CNOT1: variants seen among roughly 807,000 people sequenced by gnomAD.
CNOT1 encodes CCR4-NOT transcription complex subunit 1.
CNOT1 carries 15 observed loss-of-function variants against 273.8 expected under a neutral mutation model. That is an observed-to-expected ratio of 0.05 (90% CI 0.04 to 0.08). The LOEUF (loss-of-function observed/expected upper bound fraction) is 0.08. Ranked by LOEUF, CNOT1 falls within the 10% of genes least tolerant of loss-of-function variation. The pLI is 1.00. For missense variants in CNOT1, 1,644 were observed against 2,912.2 expected, an observed-to-expected ratio of 0.56 and a Z score of 10.02; for synonymous variants, 1,022 against 1,005.5, an observed-to-expected ratio of 1.02 and a Z score of -0.31.
At chr16:58,531,165 A>G (rs771944470) in intron 42 of CNOT1, among the ~76,000 whole-genome samples, 1 of 152,222 alleles carries the variant, frequency 6.6e-6, no homozygotes, top group Non-Finnish European at 1.5e-5. Flanking sequence ...TGTTCAATTA[A>G]TTCTTGGATA....
chr16:58,524,406 C>G (rs749968417), intron 46 of CNOT1, among the ~76,000 whole-genome samples: 1 of 151,936 alleles, frequency 6.6e-6, no homozygotes, highest in African/African-American at 2.4e-5. Flanking sequence ...TGACATTATT[C>G]GTGTTTGTGA....
At chr16:58,564,917 C>T (rs914593801) in intron 16 of CNOT1, among the ~76,000 whole-genome samples, 2 of 151,884 alleles carry the variant, frequency 1.3e-5, no homozygotes, top group African/African-American at 2.4e-5. Context: ...GCCTGGGTAA[C>T]AAGAGAAAAA....
At chr16:58,610,953 C>T (rs555861836) in intron 1 of CNOT1, among the ~76,000 whole-genome samples, 1 of 152,166 alleles carries the variant, frequency 6.6e-6, no homozygotes, top group South Asian at 2.1e-4. Flanking sequence ...AGGAGAATCG[C>T]TTAAACCCAG....
At position 58,538,214 on chromosome 16, in the gene CNOT1, GCTCCACAGC is replaced by G; in HGVS notation, c.5179_5187del (p.Ala1727_Glu1729del). The G allele has an allele frequency of 6.7e-7, 1 of 1,493,800 alleles. No individual in the cohort carries two copies. The highest frequency in any genetic ancestry group is 9.3e-7 in the Non-Finnish European group (1 of 1,070,034). The allele number at this position is 1,493,800 out of a possible 1,614,324, so 92.5% of individuals were successfully genotyped here. On this transcript the variant is annotated inframe_deletion, in exon 37 of 49. Transcript: ENST00000317147. ...TTAACCAAATGATTGCGAATTAGCA[GCTCCACAGC>G]CTCCACATTATATTTATATTCATCT... is the stretch of plus-strand genomic sequence containing the variant.
chr16:58,594,592 C>G (rs1175360954), intron 2 of CNOT1, among the ~76,000 whole-genome samples: 6 of 150,816 alleles, frequency 4.0e-5, no homozygotes, highest in African/African-American at 1.5e-4. Context: ...TCACATGATG[C>G]CAGAAGTTTG....
chr16:58,536,158 G>T (rs1272262268), intron 39 of CNOT1, among the ~76,000 whole-genome samples: 1 of 151,956 alleles, frequency 6.6e-6, no homozygotes, highest in African/African-American at 2.4e-5. Flanking sequence ...AAAAGTTTTG[G>T]GTTCAGTTTG....
At position 58,528,488 on chromosome 16, in the gene CNOT1, G is replaced by A; in HGVS notation, c.6440C>T (p.Thr2147Ile). The change falls in exon 44 of 49, where the codon ACT (threonine) becomes ATT (isoleucine). Residue 2147 changes from threonine (T) to isoleucine (I), a missense_variant. Transcript: ENST00000317147. ...PRNMRLPDPF[T>I]PNLKVDMLSE... ...TTGGAACCTTACCTTTAGATTAGGA[G>A]TGAATGGGTCGGGGAGCCTCATGTT... 1 of 1,612,586 alleles carries A rather than the reference G, an allele frequency of 6.2e-7. No homozygotes were observed. The highest frequency in any genetic ancestry group is 1.1e-5 in the South Asian group (1 of 91,002).
At chr16:58,623,606 T>G (rs1347852125) in intron 1 of CNOT1, among the ~76,000 whole-genome samples, 1 of 152,180 alleles carries the variant, frequency 6.6e-6, no homozygotes, top group Non-Finnish European at 1.5e-5. Context: ...TGAGGCACAG[T>G]GTAGCCAGGG....
intron 44 of CNOT1, among the ~76,000 whole-genome samples, chr16:58,526,511 T>TAA (rs57367601): frequency 0.091 from 7,319 of 80,746 alleles, 827 homozygotes; most frequent in African/African-American, 0.21. Flanking sequence ...ACTTACTCCT[T>TAA]AAAAAAAAAA....
At chr16:58,531,671 CA>C (rs2039782801) in intron 42 of CNOT1, among the ~76,000 whole-genome samples, 1 of 150,714 alleles carries the variant, frequency 6.6e-6, no homozygotes, top group Non-Finnish European at 1.5e-5. Flanking sequence ...TATAAAGAAG[CA>C]AAACATTTTA....
At chr16:58,562,847 G>A (rs1212725381) in intron 16 of CNOT1, among the ~76,000 whole-genome samples, 1 of 152,060 alleles carries the variant, frequency 6.6e-6, no homozygotes, top group Non-Finnish European at 1.5e-5. Context: ...AGCAGTAGCA[G>A]CCGTACATGA....
chr16:58,622,652 G>C (rs1336278140), intron 1 of CNOT1, among the ~76,000 whole-genome samples: 1 of 151,684 alleles, frequency 6.6e-6, no homozygotes, highest in African/African-American at 2.4e-5. Context: ...TTTGAGACCA[G>C]CCTGGCGAAC....
intron 1 of CNOT1, among the ~76,000 whole-genome samples, chr16:58,607,564 T>TA (rs1201288399): frequency 1.3e-5 from 2 of 151,428 alleles, no homozygotes; most frequent in African/African-American, 4.9e-5. Flanking sequence ...CCATCACTAC[T>TA]AAAAATACAA....
At chr16:58,551,422 G>A in intron 23 of CNOT1, 150 bp from the exon 24 acceptor site, 1 of 1,192,322 alleles carries the variant, frequency 8.4e-7, no homozygotes, top group Non-Finnish European at 1.2e-6. Context: ...CTATTAATAT[G>A]TTTGCCTCTG....
intron 16 of CNOT1, among the ~76,000 whole-genome samples, chr16:58,567,908 G>A (rs973198351): frequency 1.3e-5 from 2 of 152,184 alleles, no homozygotes; most frequent in Admixed American, 1.3e-4. Flanking sequence ...GTCTGTGTGA[G>A]AACACAATGA....
At chr16:58,604,482 T>TA (rs200831760) in intron 1 of CNOT1, among the ~76,000 whole-genome samples, 2,220 of 151,832 alleles carry the variant, frequency 0.015, 31 homozygotes, top group Non-Finnish European at 0.023. Context: ...GCCAAAACCT[T>TA]AAAAAAACAC....
chr16:58,623,559 C>T (rs1192758954), intron 1 of CNOT1: 1 of 152,186 alleles, frequency 6.6e-6, no homozygotes, highest in African/African-American at 2.4e-5. Context: ...TCCATAAAAG[C>T]CCATAAATGA....
rs549811218 is a variant in CNOT1, at chr16:58,541,639, A to G, written c.4681-19T>C. 15 of 1,607,416 alleles carry G rather than the reference A, an allele frequency of 9.3e-6. No homozygotes were observed. In the African/African-American group the frequency reaches 1.1e-4, roughly 12 times the overall value. ...CACCAACCTTGAAAGAAGAAAACCTATTTTGACAGAATTCACTCAATAATC... is the reference window on the plus strand; with the variant it reads ...CACCAACCTTGAAAGAAGAAAACCTGTTTTGACAGAATTCACTCAATAATC... On this transcript the variant is annotated intron_variant, in intron 33 of 48. Transcript: ENST00000317147.
Position 58,521,201 on chromosome 16 carries a change from C to G in CNOT1, c.7034G>C (p.Cys2345Ser). 1 of 1,613,742 alleles carries G rather than the reference C, an allele frequency of 6.2e-7. No individual in the cohort carries two copies. The highest frequency in any genetic ancestry group is 1.3e-5 in the African/African-American group (1 of 74,992). Residue 2345 changes from cysteine to serine, a missense_variant, in exon 48 of 49, where the codon TGT becomes TCT. Around this residue, in one of 13 missense-constraint regions of CNOT1, gnomAD observed 140 missense variants for 324.6 expected, o/e 0.43. Transcript: ENST00000317147. ...AACTCACTTTTCGATTTCTGGGGCA[C>G]AGTGTACAAATTCATGGTTCCAGAA... ...FKFWNHEFVH[C>S]APEIEKLFQS...
Sources: gnomAD v4.1 joint callset for allele counts (sites outside exome capture counted in the v4.1 genomes callset) on GRCh38, gnomAD v4.1.1 for gene constraint, gnomAD v4.1.1 regional missense constraint, MANE v1.5 for transcripts, NCBI Gene and HGNC (gene_info 2026-07-23, HGNC 2026-07-21) for gene names.